ATP10B: variants seen among roughly 807,000 people sequenced by gnomAD.
ATP10B encodes the protein phospholipid-transporting ATPase VB.
In ATP10B, 122 loss-of-function variants were observed where a neutral mutation model predicts 141.2. The ratio of observed to expected loss-of-function variants is 0.86; its 90% confidence interval spans 0.75 to 1.00. The LOEUF is 1.00. Among genes scored for constraint, ATP10B ranks in the 50% least tolerant of loss-of-function variants. The probability of loss-of-function intolerance (pLI) is 0.00; values close to 1 mark genes in which losing one functional copy is unlikely to be tolerated. For synonymous variants in ATP10B, 685 were observed against 692.0 expected (o/e 0.99, Z 0.16); for missense variants, 1,876 against 1,825.3 (o/e 1.03, Z -0.51).
At chr5:160,809,274 G>A (rs960047201) in intron 1 of ATP10B, among the ~76,000 whole-genome samples, 7 of 152,218 alleles carry the variant, frequency 4.6e-5, no homozygotes, top group African/African-American at 1.7e-4. Context: ...GACTCTGCTG[G>A]CCAAAATGGG....
chr5:160,565,301 T>C lies in ATP10B; in HGVS notation c.*152A>G, dbSNP rs963300145. 1 of 783,560 alleles carries C rather than the reference T, an allele frequency of 1.3e-6. No individual in the cohort carries two copies. 48.5% of individuals were successfully genotyped at this position (783,560 alleles called of 1,614,324 possible). Reference sequence around the variant, plus strand: ...TTTCCCGTCTTTGTGTCAGACCCCTTGGGGCCAGCACTTCCTCCATGGAAG... The same window carrying C: ...TTTCCCGTCTTTGTGTCAGACCCCTCGGGGCCAGCACTTCCTCCATGGAAG... On this transcript the variant is annotated 3_prime_UTR_variant, in exon 26 of 26. Coordinates refer to ENST00000327245, the MANE Select transcript of ATP10B (RefSeq NM_025153.3).
chr5:160,894,730 C>G, the ATP10B span, among the ~76,000 whole-genome samples: 1 of 152,088 alleles, frequency 6.6e-6, no homozygotes, highest in Non-Finnish European at 1.5e-5. Flanking sequence ...TCGAGAAGAG[C>G]AACCCCAAGA....
Position 160,715,158 on chromosome 5 carries a change from C to T in ATP10B, c.-205+1751G>A, listed in dbSNP as rs567964792. ...TGGGCTCCACCAAGTTCGAGGTTCCCGGCTGCTTTGTTTACCTAAGCAAGC... is the reference window on the plus strand; with the variant it reads ...TGGGCTCCACCAAGTTCGAGGTTCCTGGCTGCTTTGTTTACCTAAGCAAGC... On this transcript the variant is annotated intron_variant, in intron 3 of 25. Coordinates refer to ENST00000327245, the MANE Select transcript of ATP10B (RefSeq NM_025153.3). Among the ~76,000 whole-genome samples, 377 of 149,476 alleles carry T rather than the reference C, an allele frequency of 2.5e-3. 3 individuals carry two copies. Among genetic ancestry groups the T allele is most frequent in the African/African-American group, 8.8e-3 (354 of 40,080 alleles).
At chr5:160,606,635 T>C (rs1403707603) in intron 19 of ATP10B, 130 bp downstream of exon 19, 1 of 889,674 alleles carries the variant, frequency 1.1e-6, no homozygotes, top group East Asian at 2.6e-5. Context: ...CATTTTGAAC[T>C]CTCTCCCTCT....
At chr5:160,715,645 C>T (rs1328914985) in intron 3 of ATP10B, among the ~76,000 whole-genome samples, 1 of 152,108 alleles carries the variant, frequency 6.6e-6, no homozygotes. Context: ...CTCCCACTCT[C>T]ATAAACAAAT....
rs372572625 is a variant in ATP10B, at chr5:160,720,900, C to A, written c.-330-3866G>T. ...AAATTATTCCCTCCCACAACTAAGC[C>A]GATTGCTTTTTCTTACTATTGTTGA... On this transcript the variant is annotated intron_variant, in intron 2 of 25. Coordinates refer to ENST00000327245, the MANE Select transcript of ATP10B (RefSeq NM_025153.3). 2.6e-5 allele frequency among the ~76,000 whole-genome samples: 4 copies of A among 152,318 alleles called. No individual in the cohort carries two copies. The South Asian group carries it at 8.3e-4, about 32-fold the overall frequency.
chr5:160,685,075 G>A (rs764834544), intron 6 of ATP10B: 40 of 703,586 alleles, frequency 5.7e-5, no homozygotes, highest in South Asian at 5.2e-4. Flanking sequence ...GGACAACACG[G>A]TGTACTTGCT....
In ATP10B at chr5:160,685,951, C is replaced by G. The variant is rs538488013; in HGVS notation, c.470+128G>C. The G allele has an allele frequency of 9.0e-5, 73 of 810,804 alleles. No individual in the cohort carries two copies. The Admixed American group carries it at 2.5e-3, about 27-fold the overall frequency. The allele number at this position is 810,804 out of a possible 1,614,324, so 50.2% of individuals were successfully genotyped here. A position where few individuals can be genotyped will look rare whatever the true frequency, so the allele number is the denominator to read the frequency against. ...GCCCACTAGGGGTCGAAATCACCCC[C>G]CCTTGAGAATCAGTGAATTAAATAA... On this transcript the variant is annotated intron_variant, in intron 6 of 25. Transcript: ENST00000327245.
chr5:160,805,953 G>A (rs958699842), intron 1 of ATP10B, among the ~76,000 whole-genome samples: 1 of 152,188 alleles, frequency 6.6e-6, no homozygotes, highest in Non-Finnish European at 1.5e-5. Context: ...CAAGCCCTAA[G>A]GCCTCAGAAC....
At chr5:160,891,449 G>A in the ATP10B span, among the ~76,000 whole-genome samples, 2 of 152,098 alleles carry the variant, frequency 1.3e-5, no homozygotes, top group African/African-American at 2.4e-5. Flanking sequence ...GGAGGAAACA[G>A]GTTTTATTTT....
At chr5:160,899,559 C>T in the ATP10B span, among the ~76,000 whole-genome samples, 4 of 151,960 alleles carry the variant, frequency 2.6e-5, no homozygotes, top group Non-Finnish European at 4.4e-5. Context: ...TAGTATAATA[C>T]GTGCAATTAT....
At chr5:160,587,364 A>T (rs1322496557) in intron 24 of ATP10B, among the ~76,000 whole-genome samples, 1 of 152,150 alleles carries the variant, frequency 6.6e-6, no homozygotes, top group African/African-American at 2.4e-5. Flanking sequence ...GTCAGGTAGC[A>T]TGATGCCTCC....
At position 160,721,255 on chromosome 5, in the gene ATP10B, T is replaced by A. The variant is rs181301801; in HGVS notation, c.-330-4221A>T. Reference sequence around the variant, plus strand: ...GAATATCCGTGGGAAATCATGATGATGCTCACTTGATTTACAATATTGATT... The same window carrying A: ...GAATATCCGTGGGAAATCATGATGAAGCTCACTTGATTTACAATATTGATT... On this transcript the variant is annotated intron_variant, in intron 2 of 25. Transcript: ENST00000327245. Among the ~76,000 whole-genome samples, 189 of 152,292 alleles carry A rather than the reference T, an allele frequency of 1.2e-3. 4 individuals carry two copies. The highest frequency in any genetic ancestry group is 0.012 in the Admixed American group (177 of 15,300).
intron 1 of ATP10B, among the ~76,000 whole-genome samples, chr5:160,827,111 C>G (rs1581610771): frequency 1.3e-5 from 2 of 152,110 alleles, no homozygotes; most frequent in Non-Finnish European, 2.9e-5. Context: ...TTTTGAAATC[C>G]TTAATAAAAA....
the ATP10B span, among the ~76,000 whole-genome samples, chr5:160,907,060 T>G: frequency 6.6e-6 from 1 of 152,188 alleles, no homozygotes; most frequent in Non-Finnish European, 1.5e-5. Context: ...TGTGGAGCCC[T>G]GGGGAAGGAA....
the ATP10B span, among the ~76,000 whole-genome samples, chr5:160,873,994 A>G: frequency 6.6e-6 from 1 of 152,244 alleles, no homozygotes; most frequent in Admixed American, 6.5e-5. Flanking sequence ...GCTTAGGTAA[A>G]CAAAGCAGCC....
At chr5:160,924,862 C>G in the ATP10B span, among the ~76,000 whole-genome samples, 1 of 152,180 alleles carries the variant, frequency 6.6e-6, no homozygotes, top group Non-Finnish European at 1.5e-5. Flanking sequence ...TCTTGGGGAA[C>G]AGTAGCTCCA....
chr5:160,589,346 G>T (rs368422627), intron 24 of ATP10B, among the ~76,000 whole-genome samples: 1 of 152,050 alleles, frequency 6.6e-6, no homozygotes, highest in Non-Finnish European at 1.5e-5. Context: ...ATCTATTTTT[G>T]CAACTAATTG....
the ATP10B span, among the ~76,000 whole-genome samples, chr5:160,919,223 C>CAAAA: frequency 7.3e-3 from 197 of 26,938 alleles, 28 homozygotes; most frequent in African/African-American, 0.034. Flanking sequence ...AACTCCGTCT[C>CAAAA]AAAAAAAAAA....
Sources: allele counts gnomAD v4.1 joint callset (sites outside exome capture counted in the v4.1 genomes callset), GRCh38; gene constraint gnomAD v4.1.1; transcripts MANE v1.5; gene names NCBI Gene and HGNC (gene_info 2026-07-23, HGNC 2026-07-21).